SERBP1: variants seen among roughly 807,000 people sequenced by gnomAD.
SERBP1 encodes SERPINE1 mRNA-binding protein 1.
In SERBP1, 6 loss-of-function variants were observed where a neutral mutation model predicts 50.2. The ratio of observed to expected loss-of-function variants is 0.12; its 90% CI spans 0.07 to 0.24. The LOEUF is 0.24. Among genes scored for constraint, SERBP1 ranks in the 10% least tolerant of loss-of-function variants. The pLI is 1.00. For missense variants in SERBP1, 346 were observed against 524.9 expected (o/e 0.66, Z 3.33); for synonymous variants, 168 against 182.8 (o/e 0.92, Z 0.65).
In SERBP1 at chr1:67,412,886, C is replaced by G; in HGVS notation, c.*321G>C. On this transcript the variant is annotated 3_prime_UTR_variant, in exon 8 of 8. Transcript: ENST00000361219. ...GCTTTAAACTGGTACACACTGTTCA[C>G]ACCTATATTTCAAGTTTGGAAATGC... 2.9e-6 allele frequency: 1 copy of G among 339,460 alleles called. No individual in the cohort carries two copies. 21.0% of individuals were successfully genotyped at this position (339,460 alleles called of 1,614,324 possible). A position where few individuals can be genotyped will look rare whatever the true frequency, so the allele number is the denominator to read the frequency against.
At chr1:67,416,062 G>A (rs1485957977) in intron 6 of SERBP1, among the ~76,000 whole-genome samples, 3 of 148,710 alleles carry the variant, frequency 2.0e-5, no homozygotes, top group Non-Finnish European at 4.4e-5. Context: ...ACCCAGGCTG[G>A]AGTGCAGTGG....
chr1:67,428,034 A>G (rs1289973197), intron 1 of SERBP1, among the ~76,000 whole-genome samples: 1 of 152,262 alleles, frequency 6.6e-6, no homozygotes, highest in Non-Finnish European at 1.5e-5. Context: ...AAATCACAGA[A>G]CACAATCAGG....
At position 67,407,845 on chromosome 1, in the gene SERBP1, T is replaced by C. The variant is rs1482780136; in HGVS notation, c.*5362A>G. The C allele has an allele frequency of 3.9e-5, 6 of 152,254 alleles. No individual in the cohort carries two copies. Among genetic ancestry groups the C allele is most frequent in the Non-Finnish European group, 8.8e-5 (6 of 68,048 alleles). 9.4% of individuals were successfully genotyped at this position (152,254 alleles called of 1,614,324 possible). A position where few individuals can be genotyped will look rare whatever the true frequency, so the allele number is the denominator to read the frequency against. On this transcript the variant is annotated 3_prime_UTR_variant, in exon 8 of 8. Coordinates refer to ENST00000361219, the MANE Select transcript of SERBP1 (RefSeq NM_001018069.2). ...AAAACAAAAATTTACTTGGACGTTA[T>C]TCATTGGCTAATAGAACATTTTAGT... is the stretch of plus-strand genomic sequence containing the variant.
chr1:67,424,153 A>T, intron 5 of SERBP1, 47 bp downstream of exon 5: 1 of 1,553,428 alleles, frequency 6.4e-7, no homozygotes, highest in South Asian at 1.3e-5. Flanking sequence ...GTAAAACTCC[A>T]GTGCTTTCAA....
chr1:67,428,282 C>T (rs984142420), intron 1 of SERBP1, among the ~76,000 whole-genome samples: 31 of 152,212 alleles, frequency 2.0e-4, no homozygotes, highest in African/African-American at 7.5e-4. Flanking sequence ...AGTCTTGGTT[C>T]TAACTTCATG....
intron 1 of SERBP1, chr1:67,429,542 A>G (rs1023003590): frequency 1.3e-5 from 2 of 155,176 alleles, no homozygotes; most frequent in African/African-American, 2.4e-5. Context: ...GCCTGAAACA[A>G]CAGCACCTCA....
intron 4 of SERBP1, 187 bp from the exon 5 acceptor site, chr1:67,424,464 A>G (rs1667305469): frequency 3.1e-6 from 2 of 650,930 alleles, no homozygotes; most frequent in African/African-American, 3.7e-5. Context: ...CGAAAAGTAA[A>G]CAATATAAAC....
chr1:67,422,305 G>C (rs1667223711), intron 5 of SERBP1, among the ~76,000 whole-genome samples: 1 of 151,872 alleles, frequency 6.6e-6, no homozygotes, highest in Non-Finnish European at 1.5e-5. Flanking sequence ...CCTGAGGTCA[G>C]AGTTCGAGAT....
Position 67,412,085 on chromosome 1 carries a change from T to TTC in SERBP1, c.*1121_*1122insGA, listed in dbSNP as rs1190017623. The TTC allele has an allele frequency of 6.5e-6, 1 of 152,674 alleles. No homozygotes were observed. The highest frequency in any genetic ancestry group is 1.5e-5 in the Non-Finnish European group (1 of 68,040). 9.5% of individuals were successfully genotyped at this position (152,674 alleles called of 1,614,324 possible). ...ATGTATAGTGCTGCTGTTCCAACCT[T>TTC]ACAAAGTAAAGCTGTCTGCTTCCCA... On this transcript the variant is annotated 3_prime_UTR_variant, in exon 8 of 8. Coordinates refer to ENST00000361219, the MANE Select transcript of SERBP1 (RefSeq NM_001018069.2).
Position 67,422,114 on chromosome 1 carries a change from T to C in SERBP1, c.774-1928A>G, listed in dbSNP as rs566376783. ...CATCACCCAATACCATGTATTTTTA[T>C]CTACTCCCTCCAATAGTATATCATT... is the stretch of plus-strand genomic sequence containing the variant. On this transcript the variant is annotated intron_variant, in intron 5 of 7. Transcript: ENST00000361219. 5.9e-5 allele frequency among the ~76,000 whole-genome samples: 9 copies of C among 152,320 alleles called. No individual in the cohort carries two copies. The South Asian group carries it at 1.9e-3, about 32-fold the overall frequency.
At chr1:67,428,336 G>GT (rs1667454997) in intron 1 of SERBP1, among the ~76,000 whole-genome samples, 1 of 152,126 alleles carries the variant, frequency 6.6e-6, no homozygotes, top group Admixed American at 6.5e-5. Flanking sequence ...TACTTTTCAG[G>GT]TAAGAGCTTA....
rs1373447062 is a variant in SERBP1 at position 67,412,280 on chromosome 1, A to G, written c.*927T>C. ...CCAAATGGCCAGACACTTATTTTAC[A>G]GAACAGTTTAAATATTACACATTGG... On this transcript the variant is annotated 3_prime_UTR_variant, in exon 8 of 8. Transcript: ENST00000361219. The G allele has an allele frequency of 6.5e-6, 1 of 152,696 alleles. No homozygotes were observed. The highest frequency in any genetic ancestry group is 1.5e-5 in the Non-Finnish European group (1 of 68,042). 9.5% of individuals were successfully genotyped at this position (152,696 alleles called of 1,614,324 possible).
At chr1:67,423,215 C>T (rs1667259813) in intron 5 of SERBP1, among the ~76,000 whole-genome samples, 1 of 150,178 alleles carries the variant, frequency 6.7e-6, no homozygotes, top group Non-Finnish European at 1.5e-5. Context: ...AGGAGAATCG[C>T]GTGAACCCGG....
chr1:67,422,985 A>C (rs938610049), intron 5 of SERBP1, among the ~76,000 whole-genome samples: 5 of 151,448 alleles, frequency 3.3e-5, no homozygotes, highest in African/African-American at 1.2e-4. Flanking sequence ...AAAACAAAAC[A>C]AAACAAAACA....
In SERBP1 at chr1:67,415,204, G is replaced by A. The variant is rs1283877823; in HGVS notation, c.1087C>T (p.Arg363Cys). 6 of 1,607,530 alleles carry A rather than the reference G, an allele frequency of 3.7e-6. No homozygotes were observed. The highest frequency in any genetic ancestry group is 3.4e-5 in the Admixed American group (2 of 58,336). The change falls in exon 7 of 8, where the codon CGT (arginine) becomes TGT (cysteine). Residue 363 changes from arginine to cysteine, a missense_variant. Physicochemically the swap from Arg to Cys is radical, Grantham distance 180 (BLOSUM62 -3). Transcript: ENST00000361219. ...CTGCCACGGTTTGGGCGCCCACCAC[G>A]CCCACGTCCACCTCGTCCTCCCCTG... ...GGRGGRGGRG[R>C]GGRPNRGSRT...
Position 67,424,181 on chromosome 1 carries a change from T to C in SERBP1, c.773+19A>G, listed in dbSNP as rs1407433219. ...GCTTTCAATTCTGGGTCATTACTAT[T>C]ACACGCAATACCACTTACTTATTTT... On this transcript the variant is annotated intron_variant, in intron 5 of 7. Coordinates refer to ENST00000361219, the MANE Select transcript of SERBP1 (RefSeq NM_001018069.2). 3 of 1,600,052 alleles carry C rather than the reference T, an allele frequency of 1.9e-6. No individual in the cohort carries two copies. Among genetic ancestry groups the C allele is most frequent in the Non-Finnish European group, 2.6e-6 (3 of 1,175,978 alleles).
At chr1:67,418,904 G>A (rs1175086896) in intron 6 of SERBP1, among the ~76,000 whole-genome samples, 1 of 152,188 alleles carries the variant, frequency 6.6e-6, no homozygotes, top group Admixed American at 6.5e-5. Flanking sequence ...AAACACAAAT[G>A]TCAAAAGGTT....
At chr1:67,413,509 G>A (rs1050403352) in intron 7 of SERBP1, among the ~76,000 whole-genome samples, 10 of 151,996 alleles carry the variant, frequency 6.6e-5, no homozygotes, top group Non-Finnish European at 1.2e-4. Context: ...AATTAGCTGG[G>A]TGTGGTGGCA....
At chr1:67,417,509 T>G (rs967212273) in intron 6 of SERBP1, among the ~76,000 whole-genome samples, 2 of 151,850 alleles carry the variant, frequency 1.3e-5, no homozygotes, top group Non-Finnish European at 2.9e-5. Flanking sequence ...GATCCTTTTT[T>G]TTTTTCTTTT....
Sources: gnomAD v4.1 joint callset for allele counts (sites outside exome capture counted in the v4.1 genomes callset) on GRCh38, gnomAD v4.1.1 for gene constraint, MANE v1.5 for transcripts, NCBI Gene and HGNC (gene_info 2026-07-23, HGNC 2026-07-21) for gene names.